The following RIMS2 variants were observed in gnomAD, a reference collection of about 807,000 sequenced individuals.
RIMS2 encodes regulating synaptic membrane exocytosis protein 2.
A neutral mutation model predicts 174.4 loss-of-function variants in RIMS2; 59 were observed. The ratio of observed to expected loss-of-function variants is 0.34; its 90% CI spans 0.27 to 0.42. RIMS2 has a LOEUF of 0.42. Ranked by LOEUF, RIMS2 falls within the 10% of genes least tolerant of loss-of-function variation. The pLI is 1.00. For missense variants in RIMS2, 1,620 were observed against 1,666.3 expected (o/e 0.97, Z 0.48); for synonymous variants, 606 against 572.5 (o/e 1.06, Z -0.84).
chr8:103,794,473 A>G (rs1312434443), intron 3 of RIMS2, among the ~76,000 whole-genome samples: 1 of 152,238 alleles, frequency 6.6e-6, no homozygotes, highest in Non-Finnish European at 1.5e-5. Flanking sequence ...CTAAAACCAT[A>G]GAAATCCTAG....
intron 19 of RIMS2, among the ~76,000 whole-genome samples, chr8:104,043,249 G>A (rs1287897050): frequency 6.6e-6 from 1 of 151,520 alleles, no homozygotes; most frequent in African/African-American, 2.4e-5. Flanking sequence ...GATGGCTTGG[G>A]GAAATTTTAA....
chr8:104,184,977 C>T (rs1012276777), intron 19 of RIMS2, among the ~76,000 whole-genome samples: 2 of 151,332 alleles, frequency 1.3e-5, no homozygotes, highest in Admixed American at 6.6e-5. Flanking sequence ...GTTTGACTTA[C>T]ATTATTTTGG....
chr8:103,977,923 G>A (rs979317827), intron 16 of RIMS2, among the ~76,000 whole-genome samples: 4 of 152,206 alleles, frequency 2.6e-5, no homozygotes, highest in African/African-American at 9.6e-5. Context: ...AGTTTCTATG[G>A]AGTTTAATCT....
chr8:104,084,983 G>C (rs775073102), intron 19 of RIMS2, among the ~76,000 whole-genome samples: 1 of 152,080 alleles, frequency 6.6e-6, no homozygotes, highest in Non-Finnish European at 1.5e-5. Context: ...AAAATTAGAT[G>C]ACTATTATGA....
chr8:104,073,236 A>G (rs2097224897), intron 19 of RIMS2, among the ~76,000 whole-genome samples: 1 of 152,188 alleles, frequency 6.6e-6, no homozygotes, highest in Non-Finnish European at 1.5e-5. Flanking sequence ...TATACATGGA[A>G]ATTAATATGG....
At chr8:103,598,902 T>A (rs978346947) in intron 1 of RIMS2, among the ~76,000 whole-genome samples, 1 of 151,632 alleles carries the variant, frequency 6.6e-6, no homozygotes, top group Non-Finnish European at 1.5e-5. Flanking sequence ...AGATAGGATC[T>A]TTATTTTTTT....
At chr8:103,981,862 G>A (rs2093933575) in intron 16 of RIMS2, among the ~76,000 whole-genome samples, 1 of 152,016 alleles carries the variant, frequency 6.6e-6, no homozygotes, top group Non-Finnish European at 1.5e-5. Flanking sequence ...ATAAAAAACA[G>A]TGAAGCACAC....
chr8:103,989,210 T>C, intron 16 of RIMS2, 95 bp from the exon 19 acceptor site: 1 of 750,906 alleles, frequency 1.3e-6, no homozygotes, highest in Non-Finnish European at 2.3e-6. Flanking sequence ...CACCATATAG[T>C]GACTTTGTCT....
At chr8:103,917,568 A>T (rs1565299636) in intron 8 of RIMS2, among the ~76,000 whole-genome samples, 1 of 152,182 alleles carries the variant, frequency 6.6e-6, no homozygotes, top group Non-Finnish European at 1.5e-5. Flanking sequence ...ATAGTTCTTT[A>T]TGTAATTTAC....
intron 19 of RIMS2, among the ~76,000 whole-genome samples, chr8:104,216,778 T>C (rs1431278048): frequency 6.6e-6 from 1 of 152,168 alleles, no homozygotes; most frequent in Non-Finnish European, 1.5e-5. Context: ...TTCATGAAGG[T>C]AGAGGAGGAT....
intron 17 of RIMS2, among the ~76,000 whole-genome samples, chr8:103,990,404 A>G (rs1265198588): frequency 3.3e-5 from 5 of 152,112 alleles, no homozygotes; most frequent in Non-Finnish European, 7.4e-5. Context: ...CCTGAGATCT[A>G]AGAAGAAATT....
chr8:103,797,910 C>G (rs2098562363), intron 3 of RIMS2, among the ~76,000 whole-genome samples: 3 of 152,046 alleles, frequency 2.0e-5, no homozygotes, highest in Admixed American at 2.0e-4. Flanking sequence ...TTAAGAGCAC[C>G]CTTTTTACTC....
intron 19 of RIMS2, among the ~76,000 whole-genome samples, chr8:104,242,560 T>C (rs1018303322): frequency 6.6e-6 from 1 of 152,222 alleles, no homozygotes; most frequent in African/African-American, 2.4e-5. Flanking sequence ...CTTACCTTAT[T>C]TCTTTGTTTG....
At chr8:103,515,467 C>T (rs190734710) in intron 1 of RIMS2, among the ~76,000 whole-genome samples, 1 of 152,226 alleles carries the variant, frequency 6.6e-6, no homozygotes, top group East Asian at 1.9e-4. Context: ...ATTTTTAACC[C>T]ATAAACTTCA....
At chr8:103,776,049 A>G (rs1389707783) in intron 3 of RIMS2, among the ~76,000 whole-genome samples, 4 of 152,104 alleles carry the variant, frequency 2.6e-5, no homozygotes, top group East Asian at 1.9e-4. Flanking sequence ...TCTGGATTTT[A>G]TATGAAGTAT....
In RIMS2 at chr8:103,792,414, T is replaced by C. The variant is rs1334952159; in HGVS notation, c.698+25877T>C. Among the ~76,000 whole-genome samples, 3 of 152,196 alleles carry C rather than the reference T, an allele frequency of 2.0e-5. No homozygotes were observed. In the East Asian group the frequency reaches 5.8e-4, roughly 29 times the overall value. ...ATGTACCAGAATCTCTGGGACACAC[T>C]TAAAAGAGTGTGTAGAGGGAAATTT... On this transcript the variant is annotated intron_variant, in intron 3 of 23. Coordinates refer to ENST00000504942, the Ensembl canonical transcript of RIMS2.
At chr8:103,983,494 A>ATTATAC (rs1380280475) in intron 16 of RIMS2, among the ~76,000 whole-genome samples, 2 of 152,208 alleles carry the variant, frequency 1.3e-5, no homozygotes, top group Admixed American at 6.6e-5. Flanking sequence ...CTTTCTTCAA[A>ATTATAC]TTATACTACA....
At chr8:104,057,391 A>T (rs2096888993) in intron 19 of RIMS2, among the ~76,000 whole-genome samples, 1 of 151,872 alleles carries the variant, frequency 6.6e-6, no homozygotes, top group Admixed American at 6.6e-5. Context: ...TAATATCGAA[A>T]CCTAAAATAA....
intron 1 of RIMS2, among the ~76,000 whole-genome samples, chr8:103,677,546 C>G (rs1012387370): frequency 6.6e-6 from 1 of 152,162 alleles, no homozygotes; most frequent in African/African-American, 2.4e-5. Flanking sequence ...CGAGAGAGAA[C>G]TTACCCACAG....
Sources: allele counts gnomAD v4.1 joint callset (sites outside exome capture counted in the v4.1 genomes callset), GRCh38; gene constraint gnomAD v4.1.1; transcripts MANE v1.5; gene names NCBI Gene and HGNC (gene_info 2026-07-23, HGNC 2026-07-21).